PKP3: variants seen among roughly 807,000 people sequenced by gnomAD.
The protein encoded by PKP3 is plakophilin-3.
PKP3 carries 66 observed loss-of-function variants against 76.5 expected under a neutral mutation model. The ratio of observed to expected loss-of-function variants is 0.86; its 90% confidence interval spans 0.71 to 1.06. The LOEUF (loss-of-function observed/expected upper bound fraction) is 1.06, where lower values mean the gene tolerates loss of function less well. Among genes scored for constraint, PKP3 ranks in the 50% least tolerant of loss-of-function variants. The pLI is 0.00. For synonymous variants in PKP3, 638 were observed against 516.5 expected, an observed-to-expected ratio of 1.24 and a Z score of -3.19; for missense variants, 1,338 against 1,141.0, an observed-to-expected ratio of 1.17 and a Z score of -2.49.
At chr11:396,129 A>T (rs1242420402) in intron 1 of PKP3, 1 of 155,950 alleles carries the variant, frequency 6.4e-6, no homozygotes, top group Admixed American at 6.5e-5. Context: ...GGGACAGGGC[A>T]CTGCAACAGG....
At position 396,984 on chromosome 11, in the gene PKP3, C is replaced by T. The variant is rs762442138; in HGVS notation, c.483C>T (p.Pro161=). The change falls in exon 3 of 13, where the codon CCC becomes CCT. Residue 161 remains proline (P), a synonymous_variant. Transcript: ENST00000331563. The part of the protein sequence containing the change: ...AQPTPPMPTR[P]VSFHERGGVG... The stretch of plus-strand genomic sequence containing the variant: ...CCACCCCTCCCATGCCCACCAGGCC[C>T]GTGTCCTTCCATGAGCGCGGTGGGG... 2.6e-5 allele frequency: 42 copies of T among 1,599,340 alleles called. No individual in the cohort carries two copies. Among genetic ancestry groups the T allele is most frequent in the Non-Finnish European group, 3.3e-5 (39 of 1,179,054 alleles).
chr11:395,850 C>G (rs1847038391), intron 1 of PKP3, among the ~76,000 whole-genome samples: 1 of 152,198 alleles, frequency 6.6e-6, no homozygotes, highest in Non-Finnish European at 1.5e-5. Context: ...ATCCACGAGT[C>G]CATCCCTCTG....
intron 10 of PKP3, 78 bp downstream of exon 10, chr11:403,849 C>A: frequency 6.3e-7 from 1 of 1,583,132 alleles, no homozygotes; most frequent in Non-Finnish European, 8.6e-7. Flanking sequence ...CTTCAGACCA[C>A]TGGGGCCAGT....
intron 10 of PKP3, 41 bp downstream of exon 10, chr11:403,812 C>T (rs567835110): frequency 6.3e-7 from 1 of 1,599,048 alleles, no homozygotes; most frequent in South Asian, 1.1e-5. Flanking sequence ...GCTGGACCCA[C>T]ATGTCAATTT....
In PKP3 at chr11:403,128, C is replaced by G; in HGVS notation, c.1788C>G (p.Pro596=). 1 of 1,570,174 alleles carries G rather than the reference C, an allele frequency of 6.4e-7. No homozygotes were observed. The highest frequency in any genetic ancestry group is 8.6e-7 in the Non-Finnish European group (1 of 1,159,738). ...CCTTCGCGGAGGTGTCCAAGGACCC[C>G]AAGGGCCTCGAGTGGCTGTGGAGCC... is the stretch of plus-strand genomic sequence containing the variant. ...ALTFAEVSKD[P]KGLEWLWSPQ... is the part of the protein sequence containing the mutation. Residue 596 remains proline (P), a synonymous_variant, in exon 9 of 13, where the codon CCC becomes CCG. Transcript: ENST00000331563.
chr11:394,719 G>T (rs1351012237), intron 1 of PKP3, among the ~76,000 whole-genome samples, 195 bp downstream of exon 1: 1 of 152,238 alleles, frequency 6.6e-6, no homozygotes, highest in Admixed American at 6.5e-5. Flanking sequence ...AGGGACCCCG[G>T]GGTCCTCCAA....
Position 400,052 on chromosome 11 carries a change from G to C in PKP3, c.1359G>C (p.Leu453Phe), listed in dbSNP as rs756774711. Residue 453 changes from leucine to phenylalanine, a missense_variant, in exon 6 of 13, where the codon TTG (leucine) becomes TTC (phenylalanine). Transcript: ENST00000331563. ...DTLEQLTDLV[L>F]SPLSGAGGPP... ...TGGAGCAGCTCACAGACCTGGTGTT[G>C]AGCCCCCTGTCGGGGGCTGGGGGTC... 1.9e-6 allele frequency: 3 copies of C among 1,606,236 alleles called. No homozygotes were observed. The highest frequency in any genetic ancestry group is 1.1e-5 in the South Asian group (1 of 90,270).
In PKP3 at chr11:395,395, G is replaced by A. The variant is rs1387070975; in HGVS notation, c.232+871G>A. The stretch of plus-strand genomic sequence containing the variant: ...GCCAGGGGGAAGTGAAGGTCGCCCA[G>A]CGGAGGGGCCGGCCCGGCGGCCTGG... On this transcript the variant is annotated intron_variant, in intron 1 of 12. Transcript: ENST00000331563. Among the ~76,000 whole-genome samples, 2 of 152,166 alleles carry A rather than the reference G, an allele frequency of 1.3e-5. 1 individual carries two copies. The highest frequency in any genetic ancestry group is 3.9e-4 in the East Asian group (2 of 5,192).
intron 5 of PKP3, 99 bp downstream of exon 5, chr11:399,295 C>T (rs1847108587): frequency 2.0e-6 from 1 of 497,176 alleles, no homozygotes; most frequent in African/African-American, 2.7e-5. Context: ...CACCTGCCCA[C>T]CATCTGCCCC....
In PKP3 at chr11:397,247, G is replaced by A. The variant is rs760467273; in HGVS notation, c.746G>A (p.Arg249Gln). 1.3e-6 allele frequency: 2 copies of A among 1,599,708 alleles called. No homozygotes were observed. Among genetic ancestry groups the A allele is most frequent in the South Asian group, 1.1e-5 (1 of 90,620 alleles). The part of the protein sequence containing the change: ...PSRTIRAPAV[R>Q]TLQRFQSSHR... ...CGGACCATCCGTGCCCCTGCCGTGC[G>A]GACCCTGCAGCGATTCCAGAGCAGC... Residue 249 changes from arginine (R) to glutamine (Q), a missense_variant, in exon 3 of 13, where the codon CGG (arginine) becomes CAG (glutamine). Transcript: ENST00000331563.
intron 4 of PKP3, among the ~76,000 whole-genome samples, chr11:397,951 AC>A (rs1348714304): frequency 1.3e-5 from 1 of 74,672 alleles, no homozygotes; most frequent in Non-Finnish European, 2.5e-5. Context: ...TCACCTCCAT[AC>A]CCCCGCACAC....
rs1336834669 is a variant in PKP3 at position 397,209 on chromosome 11, G to C, written c.708G>C (p.Glu236Asp). 6.3e-7 allele frequency: 1 copy of C among 1,598,972 alleles called. No homozygotes were observed. The highest frequency in any genetic ancestry group is 1.7e-5 in the Admixed American group (1 of 59,874). The stretch of plus-strand genomic sequence containing the variant: ...GGCTGGACTGGCCCGAGGCCACTGA[G>C]GTTTCCCCGAGCCGGACCATCCGTG... ...AGGLDWPEAT[E>D]VSPSRTIRAP... Residue 236 changes from glutamate to aspartate, a missense_variant, in exon 3 of 13, where the codon GAG (glutamate) becomes GAC (aspartate). Physicochemically the swap from Glu to Asp is conservative, Grantham distance 45 (BLOSUM62 2). Coordinates refer to ENST00000331563, the MANE Select transcript of PKP3 (RefSeq NM_007183.4).
Position 398,996 on chromosome 11 carries a change from G to C in PKP3, c.1073G>C (p.Arg358Pro). Residue 358 changes from arginine to proline, a missense_variant, in exon 5 of 13, where the codon CGC becomes CCC. Physicochemically the swap from Arg to Pro is moderately radical, Grantham distance 103. Coordinates refer to ENST00000331563, the MANE Select transcript of PKP3 (RefSeq NM_007183.4). ...YSDAAAKKQARSLQAVPRLVK... is the reference protein window; with the variant it reads ...YSDAAAKKQAPSLQAVPRLVK... ...CCCATATGCCTGTGCCCGCAGGCCC[G>C]CAGCCTTCAGGCCGTGCCTAGGCTG... 1 of 1,570,258 alleles carries C rather than the reference G, an allele frequency of 6.4e-7. No individual in the cohort carries two copies. The highest frequency in any genetic ancestry group is 8.7e-7 in the Non-Finnish European group (1 of 1,154,784).
chr11:398,852 C>T (rs1027285366), intron 4 of PKP3, 140 bp from the exon 5 acceptor site: 46 of 700,092 alleles, frequency 6.6e-5, no homozygotes, highest in Admixed American at 5.4e-4. Context: ...TCCCTACCGC[C>T]GCACACACCT....
chr11:397,479 T>G (rs776966763), intron 3 of PKP3, 34 bp downstream of exon 3: 41 of 1,611,756 alleles, frequency 2.5e-5, no homozygotes, highest in Non-Finnish European at 3.4e-5. Context: ...GGAGGGGGCT[T>G]CTACCACGGG....
In PKP3 at chr11:404,399, G is replaced by T; in HGVS notation, c.2358+76G>T. The T allele has an allele frequency of 2.7e-6, 4 of 1,472,602 alleles. No individual in the cohort carries two copies. Among genetic ancestry groups the T allele is most frequent in the Non-Finnish European group, 3.8e-6 (4 of 1,052,476 alleles). 91.2% of individuals were successfully genotyped at this position (1,472,602 alleles called of 1,614,324 possible). On this transcript the variant is annotated intron_variant, in intron 12 of 12. Transcript: ENST00000331563. This position sits in a 1 kb window ranked among gnomAD's most constrained non-coding sequence, Gnocchi z 4.2. ...ACGCCGGGGGAGGGTCAGTGAAGAG[G>T]CCCATGGGAGGATGGAGACCAGGGA...
rs761396382 is a variant in PKP3 at position 403,672 on chromosome 11, C to T, written c.1978C>T (p.Leu660=). 3 of 1,610,366 alleles carry T rather than the reference C, an allele frequency of 1.9e-6. No individual in the cohort carries two copies. In the Admixed American group the frequency reaches 5.0e-5, roughly 27 times the overall value. The change falls in exon 10 of 13, where the codon CTG becomes TTG. Residue 660 remains leucine, a synonymous_variant. Transcript: ENST00000331563. ...ALEQERILNP[L]LDRVRTADHH... ...GGAGCAGGAGCGTATTCTGAACCCC[C>T]TGCTAGACCGTGTCAGGACCGCCGA...
rs760991063 is a variant in PKP3, at chr11:397,047, C to A, written c.546C>A (p.Arg182=). The change falls in exon 3 of 13, where the codon CGC becomes CGA. Residue 182 remains arginine, a synonymous_variant. Coordinates refer to ENST00000331563, the MANE Select transcript of PKP3 (RefSeq NM_007183.4). The part of the protein sequence containing the change: ...SRADYDTLSL[R]SLRLGPGGLD... ...CCGACTATGACACACTCTCCCTGCG[C>A]TCGCTGCGGCTGGGGCCCGGGGGCC... 22 of 1,599,364 alleles carry A rather than the reference C, an allele frequency of 1.4e-5. No homozygotes were observed. Among genetic ancestry groups the A allele is most frequent in the Non-Finnish European group, 1.7e-5 (20 of 1,179,598 alleles).
upstream of PKP3, among the ~76,000 whole-genome samples, chr11:393,691 C>A (rs1022023913): frequency 6.6e-6 from 1 of 152,098 alleles, no homozygotes; most frequent in Non-Finnish European, 1.5e-5. Context: ...TGTCCTGATC[C>A]CTGGCACTGA....
Sources: gnomAD v4.1 joint callset for allele counts (sites outside exome capture counted in the v4.1 genomes callset) on GRCh38, gnomAD v4.1.1 for gene constraint, Gnocchi (gnomAD v3.1) non-coding constraint, MANE v1.5 for transcripts, NCBI Gene and HGNC (gene_info 2026-07-23, HGNC 2026-07-21) for gene names.